GPR158: variants seen among roughly 807,000 people sequenced by gnomAD.
GPR158 encodes the protein G protein-coupled receptor 158.
A neutral mutation model predicts 78.2 loss-of-function variants in GPR158; 30 were observed. The observed-to-expected ratio is 0.38, with a 90% CI of 0.29 to 0.52. The LOEUF (loss-of-function observed/expected upper bound fraction) is 0.52, where lower values mean the gene tolerates loss of function less well. GPR158 is among the 20% of genes least tolerant of loss of function. GPR158 has a pLI of 0.83. For synonymous variants in GPR158, 581 were observed against 591.1 expected (o/e 0.98, Z 0.25); for missense variants, 1,463 against 1,523.5 (o/e 0.96, Z 0.66).
rs116311457 is a variant in GPR158 at position 25,567,830 on chromosome 10, G to A, written c.1515-4819G>A. Among the ~76,000 whole-genome samples, 597 of 152,226 alleles carry A rather than the reference G, an allele frequency of 3.9e-3. 2 individuals carry two copies. The highest frequency in any genetic ancestry group is 0.014 in the African/African-American group (580 of 41,530). ...ATAGTGAAAGACCATGTTGTCCATC[G>A]TAGGGTGTGGATTGAAGGTGGGCAA... On this transcript the variant is annotated intron_variant, in intron 6 of 10. Transcript: ENST00000376351.
chr10:25,422,858 C>CA (rs1554802465), intron 4 of GPR158, among the ~76,000 whole-genome samples: 202 of 142,154 alleles, frequency 1.4e-3, no homozygotes, highest in African/African-American at 4.9e-3. Context: ...TTACCCCCCC[C>CA]ACACTTTCCC....
intron 7 of GPR158, among the ~76,000 whole-genome samples, chr10:25,582,004 A>G (rs549154099): frequency 1.3e-5 from 2 of 152,314 alleles, no homozygotes; most frequent in Admixed American, 6.5e-5. Context: ...GAGAATGAGA[A>G]CCAAGTGAAA....
At chr10:25,283,353 C>A (rs1028852986) in intron 2 of GPR158, among the ~76,000 whole-genome samples, 5 of 151,820 alleles carry the variant, frequency 3.3e-5, no homozygotes, top group Admixed American at 1.3e-4. Context: ...CTCTTTAATT[C>A]ATAATGTTGA....
At chr10:25,186,536 G>T (rs1008701200) in intron 1 of GPR158, among the ~76,000 whole-genome samples, 8 of 151,914 alleles carry the variant, frequency 5.3e-5, no homozygotes, top group African/African-American at 1.7e-4. Context: ...AATGATAAAG[G>T]GGTTATCACC....
intron 2 of GPR158, among the ~76,000 whole-genome samples, chr10:25,318,834 G>A (rs942090195): frequency 2.0e-5 from 3 of 152,184 alleles, no homozygotes; most frequent in Non-Finnish European, 4.4e-5. Flanking sequence ...TGCAGTTACT[G>A]TAAAAATGGC....
In GPR158 at chr10:25,601,699, C is replaced by A. The variant is rs1029946415; in HGVS notation, c.*2425C>A. 6.6e-6 allele frequency: 1 copy of A among 152,562 alleles called. No homozygotes were observed. Among genetic ancestry groups the A allele is most frequent in the Non-Finnish European group, 1.5e-5 (1 of 68,020 alleles). 9.5% of individuals were successfully genotyped at this position (152,562 alleles called of 1,614,324 possible). A position where few individuals can be genotyped will look rare whatever the true frequency, so the allele number is the denominator to read the frequency against. On this transcript the variant is annotated 3_prime_UTR_variant, in exon 11 of 11. Coordinates refer to ENST00000376351, the MANE Select transcript of GPR158 (RefSeq NM_020752.3). Reference sequence around the variant, plus strand: ...ACAAGAGAAGTTGAAATTTACAAGTCAGGAGGTTATTTTTCCAGATTGATA... The same window carrying A: ...ACAAGAGAAGTTGAAATTTACAAGTAAGGAGGTTATTTTTCCAGATTGATA...
At chr10:25,287,766 T>C (rs796391979) in intron 2 of GPR158, among the ~76,000 whole-genome samples, 2 of 152,244 alleles carry the variant, frequency 1.3e-5, no homozygotes, top group African/African-American at 4.8e-5. Context: ...TCTCTGAGGA[T>C]TTCAAGAAAA....
intron 4 of GPR158, among the ~76,000 whole-genome samples, chr10:25,428,735 GGTAAGAAGACAA>G (rs1834856333): frequency 6.6e-6 from 1 of 151,806 alleles, no homozygotes; most frequent in Non-Finnish European, 1.5e-5. Flanking sequence ...TCCTTATGGG[GGTAAGAAGACAA>G]GTAATAATTA....
rs1449097857 is a variant in GPR158 at position 25,395,908 on chromosome 10, T to C, written c.1009-3T>C. On this transcript the variant is annotated splice_polypyrimidine_tract_variant and splice_region_variant and intron_variant, in intron 2 of 10. Transcript: ENST00000376351. ...CTATGTTGCTGTCTTTTCTTCTTCA[T>C]AGTGTATGCCAATTAAAGGCCTAGG... is the stretch of plus-strand genomic sequence containing the variant. 1.0e-5 allele frequency: 15 copies of C among 1,480,370 alleles called. No homozygotes were observed. Among genetic ancestry groups the C allele is most frequent in the East Asian group, 2.3e-5 (1 of 44,188 alleles). The allele number at this position is 1,480,370 out of a possible 1,614,324, so 91.7% of individuals were successfully genotyped here.
rs566354624 is a variant in GPR158, at chr10:25,419,967, C to T, written c.1335+7494C>T. 2.2e-3 allele frequency among the ~76,000 whole-genome samples: 335 copies of T among 152,124 alleles called. 2 individuals are homozygous for T. The highest frequency in any genetic ancestry group is 7.8e-3 in the African/African-American group (323 of 41,514). On this transcript the variant is annotated intron_variant, in intron 4 of 10. Coordinates refer to ENST00000376351, the MANE Select transcript of GPR158 (RefSeq NM_020752.3). ...AGACTAGTTTTACTACTCTAAAAAT[C>T]CTCTATGTTCTGCCTTTGCCCATTT... is the stretch of plus-strand genomic sequence containing the variant.
intron 1 of GPR158, among the ~76,000 whole-genome samples, chr10:25,220,509 A>G (rs1036065158): frequency 6.6e-6 from 1 of 152,200 alleles, no homozygotes; most frequent in African/African-American, 2.4e-5. Flanking sequence ...TTCTGTAGTG[A>G]GGCAAATCTC....
chr10:25,294,685 A>G (rs1231503892), intron 2 of GPR158, among the ~76,000 whole-genome samples: 3 of 152,208 alleles, frequency 2.0e-5, no homozygotes, highest in Non-Finnish European at 2.9e-5. Flanking sequence ...TAAAGTGTCA[A>G]TGATTTGTGC....
intron 2 of GPR158, among the ~76,000 whole-genome samples, chr10:25,330,907 G>A (rs991883108): frequency 3.3e-5 from 5 of 152,090 alleles, no homozygotes; most frequent in Non-Finnish European, 5.9e-5. Flanking sequence ...AATAGTAATC[G>A]AATAGTAAAT....
At chr10:25,243,346 T>A (rs933085980) in intron 2 of GPR158, among the ~76,000 whole-genome samples, 1 of 152,250 alleles carries the variant, frequency 6.6e-6, no homozygotes, top group Non-Finnish European at 1.5e-5. Flanking sequence ...GAAGGAGTTA[T>A]CTGGATTACG....
chr10:25,423,125 A>ACG (rs747403063), intron 4 of GPR158, among the ~76,000 whole-genome samples: 88,714 of 140,724 alleles, frequency 0.63, 28,035 homozygotes, highest in Non-Finnish European at 0.74. Context: ...ATATACATAT[A>ACG]TATGTATATA....
Position 25,176,545 on chromosome 10 carries a change from T to C in GPR158, c.902+223T>C, listed in dbSNP as rs149105836. ...TCCGGCGCTCGGCGAAAGCCATTCA[T>C]TCTCTCGGACCAGTTTCCCCGCACT... On this transcript the variant is annotated intron_variant, in intron 1 of 10. Transcript: ENST00000376351. The surrounding 1 kb of genome is among the most constrained non-coding windows in gnomAD (Gnocchi z 6.3). 2.4e-3 allele frequency among the ~76,000 whole-genome samples: 361 copies of C among 152,270 alleles called. 1 individual carries two copies. The highest frequency in any genetic ancestry group is 7.9e-3 in the African/African-American group (329 of 41,578).
intron 5 of GPR158, among the ~76,000 whole-genome samples, chr10:25,489,608 T>C (rs1165198575): frequency 6.6e-6 from 1 of 152,152 alleles, no homozygotes; most frequent in Non-Finnish European, 1.5e-5. Flanking sequence ...TACCCCTAGC[T>C]GTACTCTCCC....
intron 1 of GPR158, among the ~76,000 whole-genome samples, chr10:25,198,810 G>A (rs760599950): frequency 7.2e-5 from 11 of 151,924 alleles, no homozygotes; most frequent in African/African-American, 2.2e-4. Flanking sequence ...TTTGGTTGTC[G>A]GATGGTCTAT....
chr10:25,240,764 T>G (rs1773261015), intron 2 of GPR158, among the ~76,000 whole-genome samples: 1 of 152,226 alleles, frequency 6.6e-6, no homozygotes, highest in Admixed American at 6.5e-5. Flanking sequence ...GAATTTAGTA[T>G]CAATAATTGA....
Sources: allele counts gnomAD v4.1 joint callset (sites outside exome capture counted in the v4.1 genomes callset), GRCh38; gene constraint gnomAD v4.1.1; non-coding constraint Gnocchi (gnomAD v3.1); transcripts MANE v1.5; gene names NCBI Gene and HGNC (gene_info 2026-07-23, HGNC 2026-07-21).